Variants in PTPN3 observed in about 807,000 individuals in gnomAD.
PTPN3 encodes protein tyrosine phosphatase non-receptor type 3.
A neutral mutation model predicts 132.7 loss-of-function variants in PTPN3; 96 were observed. That is an observed-to-expected ratio of 0.72 (90% confidence interval 0.61 to 0.86). PTPN3 has a LOEUF of 0.86. Among genes scored for constraint, PTPN3 ranks in the 40% least tolerant of loss-of-function variants. The pLI, the probability that PTPN3 is intolerant of heterozygous loss-of-function variation, is 0.00. For missense variants in PTPN3, 1,125 were observed against 1,159.6 expected, an observed-to-expected ratio of 0.97 and a Z score of 0.43; for synonymous variants, 398 against 429.0, an observed-to-expected ratio of 0.93 and a Z score of 0.89.
the PTPN3 span, among the ~76,000 whole-genome samples, chr9:109,535,251 G>A: frequency 2.0e-5 from 3 of 152,264 alleles, no homozygotes; most frequent in Admixed American, 6.5e-5. Flanking sequence ...ATTCTGGTAC[G>A]TTCTTTATGA....
At chr9:109,428,393 C>G (rs537512200) in intron 11 of PTPN3, among the ~76,000 whole-genome samples, 1 of 152,302 alleles carries the variant, frequency 6.6e-6, no homozygotes, top group South Asian at 2.1e-4. Context: ...TCTTTCTTCC[C>G]TGATACATAC....
Position 109,454,570 on chromosome 9 carries a change from A to G in PTPN3, c.294T>C (p.Gly98=). 6.2e-7 allele frequency: 1 copy of G among 1,608,584 alleles called. No individual in the cohort carries two copies. Among genetic ancestry groups the G allele is most frequent in the Non-Finnish European group, 8.5e-7 (1 of 1,176,510 alleles). Residue 98 remains glycine (G), a synonymous_variant, in exon 5 of 26, where the codon GGT becomes GGC. Coordinates refer to ENST00000374541, the MANE Select transcript of PTPN3 (RefSeq NM_002829.4). The stretch of plus-strand genomic sequence containing the variant: ...CTCGAAAATGCAGGGTACAGGGGAA[A>G]CCTCCTACAACATTTTTCAAAAACA... The part of the protein sequence containing the change: ...SKAIRKQLKG[G]FPCTLHFRVR...
intron 7 of PTPN3, among the ~76,000 whole-genome samples, chr9:109,441,674 C>A (rs1451469363): frequency 6.6e-6 from 1 of 152,136 alleles, no homozygotes; most frequent in Non-Finnish European, 1.5e-5. Flanking sequence ...ATTCTTTGAG[C>A]CTCATAAAGC....
chr9:109,519,602 T>C, the PTPN3 span, among the ~76,000 whole-genome samples: 2 of 152,256 alleles, frequency 1.3e-5, no homozygotes, highest in East Asian at 3.9e-4. Flanking sequence ...ATGGTAGCGT[T>C]GGGACTTGAA....
upstream of PTPN3, among the ~76,000 whole-genome samples, chr9:109,500,014 G>T (rs568300920): frequency 6.6e-6 from 1 of 152,340 alleles, no homozygotes; most frequent in South Asian, 2.1e-4. Context: ...GACGCCCCCC[G>T]CAGAGCTCCA....
the PTPN3 span, among the ~76,000 whole-genome samples, chr9:109,507,509 G>A: frequency 1.2e-4 from 19 of 152,350 alleles, no homozygotes; most frequent in African/African-American, 3.1e-4. Flanking sequence ...AGTGTTGCAC[G>A]GATGACACAC....
At chr9:109,445,429 A>G (rs1259337288) in intron 6 of PTPN3, 137 bp from the exon 7 acceptor site, 1 of 780,504 alleles carries the variant, frequency 1.3e-6, no homozygotes, top group East Asian at 2.7e-5. Flanking sequence ...TAACAAAAGC[A>G]ACTTTATGCT....
intron 12 of PTPN3, among the ~76,000 whole-genome samples, chr9:109,426,432 T>G (rs1843289040): frequency 6.6e-6 from 1 of 152,294 alleles, no homozygotes; most frequent in Non-Finnish European, 1.5e-5. Context: ...TATAATTATG[T>G]GCCCAGCACA....
At chr9:109,509,080 C>T in the PTPN3 span, among the ~76,000 whole-genome samples, 1 of 152,116 alleles carries the variant, frequency 6.6e-6, no homozygotes, top group Admixed American at 6.6e-5. Flanking sequence ...TTTTGTTGTC[C>T]ACCTGTATTG....
At chr9:109,499,302 T>A (rs1279002194), upstream of PTPN3, among the ~76,000 whole-genome samples, 1 of 152,082 alleles carries the variant, frequency 6.6e-6, no homozygotes, top group African/African-American at 2.4e-5. Context: ...ATGGACGGTC[T>A]GATTGGGTGA....
chr9:109,462,908 C>G (rs2132046857), intron 2 of PTPN3, among the ~76,000 whole-genome samples: 1 of 151,808 alleles, frequency 6.6e-6, no homozygotes, highest in Admixed American at 6.5e-5. Flanking sequence ...ACCCTAATCA[C>G]TACTTGAAAA....
the PTPN3 span, among the ~76,000 whole-genome samples, chr9:109,516,593 A>G: frequency 3.3e-5 from 5 of 152,212 alleles, no homozygotes; most frequent in Non-Finnish European, 5.9e-5. Context: ...CCAGGTGTAC[A>G]CAGCTTGTAT....
chr9:109,450,130 T>A, intron 5 of PTPN3: 2 of 984,512 alleles, frequency 2.0e-6, no homozygotes, highest in Non-Finnish European at 2.4e-6. Context: ...GCTAAAAAGC[T>A]TAGGATCCAT....
the PTPN3 span, chr9:109,532,766 G>T: frequency 4.4e-6 from 2 of 455,004 alleles, no homozygotes; most frequent in Non-Finnish European, 6.6e-6. Context: ...CTTATTGCTG[G>T]AATTTCATAT....
chr9:109,427,823 CACAGTG>C (rs1843386933), intron 11 of PTPN3, among the ~76,000 whole-genome samples: 1 of 152,122 alleles, frequency 6.6e-6, no homozygotes, highest in Admixed American at 6.6e-5. Flanking sequence ...GGGAAATTGA[CACAGTG>C]ACAGTAAGTG....
In PTPN3 at chr9:109,463,419, G is replaced by GT. The variant is rs777858742; in HGVS notation, c.15dup (p.Arg6ThrfsTer8). 6.2e-7 allele frequency: 1 copy of GT among 1,609,626 alleles called. No individual in the cohort carries two copies. Among genetic ancestry groups the GT allele is most frequent in the South Asian group, 1.1e-5 (1 of 89,556 alleles). On this transcript the variant is annotated frameshift_variant, in exon 2 of 26. Transcript: ENST00000374541. LOFTEE classifies it high-confidence loss of function. Reference sequence around the variant, plus strand: ...TTATTAATTCTTCCACCCAACGCACGTAACCGGGAGGTCATAACTATCGCT... The same window carrying GT: ...TTATTAATTCTTCCACCCAACGCACGTTAACCGGGAGGTCATAACTATCGCT...
intron 1 of PTPN3, among the ~76,000 whole-genome samples, chr9:109,470,212 C>T (rs1456006446): frequency 6.6e-6 from 1 of 152,178 alleles, no homozygotes; most frequent in Non-Finnish European, 1.5e-5. Context: ...CAGACACATG[C>T]TTCATTCATT....
chr9:109,484,185 C>T (rs1468369271), intron 1 of PTPN3, among the ~76,000 whole-genome samples: 1 of 152,192 alleles, frequency 6.6e-6, no homozygotes, highest in Non-Finnish European at 1.5e-5. Context: ...CAGCTCTCTC[C>T]ACCTCAAGCT....
Position 109,391,879 on chromosome 9 carries a change from G to C in PTPN3, c.1954-318C>G, listed in dbSNP as rs113401313. Among the ~76,000 whole-genome samples, 393 of 96,908 alleles carry C rather than the reference G, an allele frequency of 4.1e-3. 52 individuals carry two copies. Among genetic ancestry groups the C allele is most frequent in the Admixed American group, 6.0e-3 (54 of 8,990 alleles). 63.6% of individuals were successfully genotyped at this position (96,908 alleles called of 152,430 possible). On this transcript the variant is annotated intron_variant, in intron 19 of 25. Transcript: ENST00000374541. ...TAAAAGCAACTAGATGTGGGGGGGG[G>C]GGGGAAGAATTCTGGCTCAAAATTA... is the stretch of plus-strand genomic sequence containing the variant.
Sources: gnomAD v4.1 joint callset for allele counts (sites outside exome capture counted in the v4.1 genomes callset) on GRCh38, gnomAD v4.1.1 for gene constraint, MANE v1.5 for transcripts, NCBI Gene and HGNC (gene_info 2026-07-23, HGNC 2026-07-21) for gene names.